The following GRM5 variants were observed in gnomAD, a reference collection of about 807,000 sequenced individuals.
The protein encoded by GRM5 is metabotropic glutamate receptor 5.
GRM5 carries 19 observed loss-of-function variants against 83.1 expected under a neutral mutation model. The observed-to-expected ratio is 0.23, with a 90% CI of 0.16 to 0.34. GRM5 has a LOEUF of 0.34. GRM5 is among the 10% of genes least tolerant of loss of function. GRM5 has a pLI of 1.00. For missense variants in GRM5, 1,160 were observed against 1,588.3 expected (o/e 0.73, Z 4.58); for synonymous variants, 675 against 633.6 (o/e 1.07, Z -0.98).
intron 3 of GRM5, among the ~76,000 whole-genome samples, chr11:88,784,357 C>A (rs930449970): frequency 1.3e-5 from 2 of 151,992 alleles, no homozygotes; most frequent in Admixed American, 1.3e-4. Flanking sequence ...CACTTATGTG[C>A]CCACCATAGG....
chr11:88,566,627 C>A (rs189833592), intron 8 of GRM5, among the ~76,000 whole-genome samples: 23 of 152,268 alleles, frequency 1.5e-4, no homozygotes, highest in Non-Finnish European at 2.8e-4. Context: ...CAAGTGCAGT[C>A]TGATGTGTCG....
chr11:88,995,990 GA>G (rs1385077492), intron 2 of GRM5, among the ~76,000 whole-genome samples: 1 of 144,266 alleles, frequency 6.9e-6, no homozygotes, highest in Admixed American at 6.9e-5. Flanking sequence ...ACCAAAGAAA[GA>G]AAAAAGAAAA....
intron 1 of GRM5, among the ~76,000 whole-genome samples, chr11:89,050,616 G>T (rs1941736643): frequency 6.6e-6 from 1 of 152,062 alleles, no homozygotes; most frequent in Non-Finnish European, 1.5e-5. Flanking sequence ...CCCATTACTG[G>T]CTATATACCC....
intron 4 of GRM5, among the ~76,000 whole-genome samples, chr11:88,634,318 A>G (rs2135276155): frequency 6.6e-6 from 1 of 152,324 alleles, no homozygotes; most frequent in South Asian, 2.1e-4. Context: ...ACCATAGTTT[A>G]CTGTAACATT....
intron 7 of GRM5, among the ~76,000 whole-genome samples, chr11:88,571,266 T>C (rs1482624007): frequency 1.3e-5 from 2 of 152,244 alleles, no homozygotes; most frequent in African/African-American, 2.4e-5. Flanking sequence ...TCATTAGATA[T>C]ATGTGTTAAA....
intron 2 of GRM5, among the ~76,000 whole-genome samples, chr11:89,027,140 G>T (rs1295675803): frequency 1.3e-5 from 2 of 151,378 alleles, no homozygotes; most frequent in Non-Finnish European, 2.9e-5. Flanking sequence ...TCTGTTGCCA[G>T]GCTGGAGTGC....
chr11:88,820,714 C>T (rs1943774135), intron 3 of GRM5, among the ~76,000 whole-genome samples: 1 of 152,182 alleles, frequency 6.6e-6, no homozygotes, highest in Non-Finnish European at 1.5e-5. Flanking sequence ...AAATGTCTAA[C>T]TCCAAATGTT....
At chr11:89,002,116 T>C (rs1940400885) in intron 2 of GRM5, among the ~76,000 whole-genome samples, 1 of 152,182 alleles carries the variant, frequency 6.6e-6, no homozygotes, top group Admixed American at 6.6e-5. Context: ...CTAAGATTCT[T>C]GGATTGAACA....
chr11:88,693,494 G>GA (rs929331625), intron 3 of GRM5, among the ~76,000 whole-genome samples: 1 of 151,860 alleles, frequency 6.6e-6, no homozygotes, highest in African/African-American at 2.4e-5. Flanking sequence ...AAAGATGGAG[G>GA]AAAAAAAGTA....
intron 4 of GRM5, among the ~76,000 whole-genome samples, chr11:88,611,755 C>T (rs1240795742): frequency 6.6e-6 from 1 of 152,022 alleles, no homozygotes; most frequent in East Asian, 1.9e-4. Flanking sequence ...CTTCTGCTAG[C>T]TTTGATGTTG....
chr11:88,920,721 C>T (rs1945676408), intron 2 of GRM5, among the ~76,000 whole-genome samples: 1 of 152,134 alleles, frequency 6.6e-6, no homozygotes, highest in Admixed American at 6.6e-5. Flanking sequence ...GCATTAAAAA[C>T]ATCATTCATT....
intron 3 of GRM5, among the ~76,000 whole-genome samples, chr11:88,836,413 A>G (rs1399490497): frequency 6.6e-6 from 1 of 152,182 alleles, no homozygotes; most frequent in East Asian, 1.9e-4. Flanking sequence ...AAATATACAT[A>G]TGTATATATG....
chr11:88,558,792 T>C (rs1591347482), intron 8 of GRM5, among the ~76,000 whole-genome samples: 1 of 92,190 alleles, frequency 1.1e-5, no homozygotes, highest in African/African-American at 4.9e-5. Flanking sequence ...AGAGTGAGAC[T>C]CCATCTCAAA....
chr11:88,587,646 C>T (rs1261079153), intron 7 of GRM5, among the ~76,000 whole-genome samples: 1 of 152,096 alleles, frequency 6.6e-6, no homozygotes, highest in East Asian at 1.9e-4. Flanking sequence ...CCCCAGCATT[C>T]TCCCCTGAAG....
intron 9 of GRM5, among the ~76,000 whole-genome samples, chr11:88,513,863 G>C (rs1241981936): frequency 6.6e-6 from 1 of 152,164 alleles, no homozygotes; most frequent in Non-Finnish European, 1.5e-5. Context: ...GCAAATGCAA[G>C]GGGTTATTCA....
At chr11:89,029,912 A>G (rs1178918916) in intron 2 of GRM5, among the ~76,000 whole-genome samples, 1 of 152,168 alleles carries the variant, frequency 6.6e-6, no homozygotes, top group Non-Finnish European at 1.5e-5. Context: ...CAAAAGAGAC[A>G]ACCAAAGCTG....
rs2135540155 is a variant in GRM5 at position 88,850,010 on chromosome 11, G to A, written c.807C>T (p.Pro269=). 2 of 1,613,528 alleles carry A rather than the reference G, an allele frequency of 1.2e-6. No homozygotes were observed. Among genetic ancestry groups the A allele is most frequent in the South Asian group, 1.1e-5 (1 of 91,070 alleles). ...KLLKKLTSHL[P]KARVVACFCE... is the part of the protein sequence containing the mutation. Reference sequence around the variant, plus strand: ...AGAAGCAGGCCACCACCCGGGCCTTGGGCAAGTGACTTGTGAGCTTCTTCA... The same window carrying A: ...AGAAGCAGGCCACCACCCGGGCCTTAGGCAAGTGACTTGTGAGCTTCTTCA... Residue 269 remains proline, a synonymous_variant, in exon 3 of 10, where the codon CCC becomes CCT. Coordinates refer to ENST00000305447, the MANE Select transcript of GRM5 (RefSeq NM_001143831.3).
At chr11:88,839,465 A>C (rs994441290) in intron 3 of GRM5, among the ~76,000 whole-genome samples, 1 of 152,196 alleles carries the variant, frequency 6.6e-6, no homozygotes, top group African/African-American at 2.4e-5. Flanking sequence ...TAATTTTAAA[A>C]CTACAAATTA....
chr11:89,034,328 G>A (rs4611203), intron 2 of GRM5, among the ~76,000 whole-genome samples: 81,106 of 151,538 alleles, frequency 0.54, 22,457 homozygotes, highest in South Asian at 0.74. Context: ...CACCATCTAC[G>A]GTGCTCTAAA....
Sources: allele counts gnomAD v4.1 joint callset (sites outside exome capture counted in the v4.1 genomes callset), GRCh38; gene constraint gnomAD v4.1.1; transcripts MANE v1.5; gene names NCBI Gene and HGNC (gene_info 2026-07-23, HGNC 2026-07-21).